Variants in UNC13B observed in about 807,000 individuals in gnomAD.
The protein encoded by UNC13B is unc-13 homolog B.
A neutral mutation model predicts 211.0 loss-of-function variants in UNC13B; 144 were observed. That is an observed-to-expected ratio of 0.68 (90% CI 0.60 to 0.78). UNC13B has a LOEUF of 0.78. Ranked by LOEUF, UNC13B falls within the 30% of genes least tolerant of loss-of-function variation. The pLI is 0.00. For missense variants in UNC13B, 1,777 were observed against 2,002.0 expected (o/e 0.89, Z 2.14); for synonymous variants, 709 against 725.8 (o/e 0.98, Z 0.37).
intron 11 of UNC13B, among the ~76,000 whole-genome samples, chr9:35,325,809 A>G (rs1346795692): frequency 2.0e-5 from 3 of 152,122 alleles, no homozygotes; most frequent in African/African-American, 7.2e-5. Flanking sequence ...TTTCATACCA[A>G]TGGATTCCTA....
At chr9:35,395,157 T>A (rs1339322831) in intron 26 of UNC13B, among the ~76,000 whole-genome samples, 1 of 152,104 alleles carries the variant, frequency 6.6e-6, no homozygotes, top group African/African-American at 2.4e-5. Flanking sequence ...TTTTTCACTC[T>A]CTTTGTTGCT....
intron 2 of UNC13B, among the ~76,000 whole-genome samples, chr9:35,228,767 G>A (rs1039512823): frequency 9.0e-5 from 13 of 143,904 alleles, no homozygotes; most frequent in Admixed American, 2.1e-4. Flanking sequence ...TGTCTGGTTC[G>A]TTCTTTTAAG....
intron 7 of UNC13B, among the ~76,000 whole-genome samples, chr9:35,274,147 G>A (rs1210348572): frequency 1.3e-5 from 2 of 152,174 alleles, no homozygotes; most frequent in Admixed American, 1.3e-4. Context: ...CCGTATGACA[G>A]TAGCCACCAT....
In UNC13B at chr9:35,291,128, A is replaced by G. The variant is rs779487313; in HGVS notation, c.527-4568A>G. On this transcript the variant is annotated intron_variant, in intron 7 of 39. Transcript: ENST00000635942. ...GAGTACGTAAGAATTGAAATTCCTT[A>G]TCATTTTCTTGATCTTACCCACAAA... 7.1e-6 allele frequency: 11 copies of G among 1,549,764 alleles called. No homozygotes were observed. The South Asian group carries it at 7.1e-5, about 10-fold the overall frequency.
intron 7 of UNC13B, among the ~76,000 whole-genome samples, chr9:35,284,031 C>T (rs779506854): frequency 6.6e-6 from 1 of 151,914 alleles, no homozygotes; most frequent in Non-Finnish European, 1.5e-5. Context: ...AGGCTGAGGC[C>T]GGGGGATCAC....
At chr9:35,190,490 A>T (rs1438516279) in intron 1 of UNC13B, among the ~76,000 whole-genome samples, 1 of 152,160 alleles carries the variant, frequency 6.6e-6, no homozygotes, top group Admixed American at 6.5e-5. Flanking sequence ...TTTGATTTTG[A>T]GAGGGAATGA....
chr9:35,401,910 C>T (rs1204919007), intron 37 of UNC13B: 1 of 1,533,110 alleles, frequency 6.5e-7, no homozygotes, highest in East Asian at 2.5e-5. Context: ...TTTCTCTGTT[C>T]TGCTGCTGCT....
chr9:35,224,057 A>G (rs1587408415), intron 1 of UNC13B, among the ~76,000 whole-genome samples: 1 of 151,988 alleles, frequency 6.6e-6, no homozygotes, highest in East Asian at 1.9e-4. Context: ...CTATAGCTTT[A>G]TGGTGTATTT....
intron 1 of UNC13B, among the ~76,000 whole-genome samples, chr9:35,192,359 A>G (rs1822703814): frequency 6.6e-6 from 1 of 152,186 alleles, no homozygotes; most frequent in African/African-American, 2.4e-5. Flanking sequence ...TGCTTATTAT[A>G]GGAGACATAT....
At chr9:35,400,222 T>C in intron 36 of UNC13B, 74 bp from the exon 37 acceptor site, 1 of 1,571,496 alleles carries the variant, frequency 6.4e-7, no homozygotes, top group South Asian at 1.2e-5. Context: ...TCTTCTTGCT[T>C]CTCTGAGGAC....
At chr9:35,370,185 G>T in intron 12 of UNC13B, 133 bp from the exon 13 acceptor site, 1 of 643,840 alleles carries the variant, frequency 1.6e-6, no homozygotes, top group Non-Finnish European at 2.6e-6. Flanking sequence ...TTTCCTTCCC[G>T]TCCTAAAAGC....
chr9:35,284,064 A>G (rs147899892), intron 7 of UNC13B, among the ~76,000 whole-genome samples: 136 of 152,288 alleles, frequency 8.9e-4, no homozygotes, highest in African/African-American at 3.1e-3. Context: ...GTTTGAGACA[A>G]GCCTGGCCAA....
At chr9:35,182,513 C>T (rs1434154007) in intron 1 of UNC13B, among the ~76,000 whole-genome samples, 2 of 149,686 alleles carry the variant, frequency 1.3e-5, no homozygotes. Context: ...TTGGGTGTTT[C>T]TCAGAGAGGG....
intron 11 of UNC13B, among the ~76,000 whole-genome samples, chr9:35,334,237 A>T (rs757094067): frequency 1.3e-5 from 2 of 152,198 alleles, no homozygotes; most frequent in Non-Finnish European, 2.9e-5. Flanking sequence ...AAGTGCTGGG[A>T]TTGCAGGCGT....
At chr9:35,170,430 T>A (rs1821272479) in intron 1 of UNC13B, among the ~76,000 whole-genome samples, 1 of 151,990 alleles carries the variant, frequency 6.6e-6, no homozygotes, top group Non-Finnish European at 1.5e-5. Flanking sequence ...CCTCCCAAAG[T>A]GTTGGGATTA....
At chr9:35,299,983 AG>A (rs1383512225) in intron 8 of UNC13B, among the ~76,000 whole-genome samples, 182 bp from the exon 9 acceptor site, 1 of 152,214 alleles carries the variant, frequency 6.6e-6, no homozygotes, top group African/African-American at 2.4e-5. Flanking sequence ...AAGAGTTTCT[AG>A]AAAATAATAA....
chr9:35,319,856 T>C (rs1022440244), intron 11 of UNC13B, among the ~76,000 whole-genome samples: 5 of 151,956 alleles, frequency 3.3e-5, no homozygotes, highest in African/African-American at 1.2e-4. Flanking sequence ...AGATAGGGTC[T>C]CATTATGTTT....
chr9:35,248,865 A>G (rs919626270), intron 6 of UNC13B, among the ~76,000 whole-genome samples: 1 of 152,190 alleles, frequency 6.6e-6, no homozygotes, highest in Non-Finnish European at 1.5e-5. Flanking sequence ...GTAGATGTCT[A>G]TTAGATCTGC....
chr9:35,370,441 A>G, intron 13 of UNC13B, 45 bp downstream of exon 13: 1 of 1,582,934 alleles, frequency 6.3e-7, no homozygotes, highest in African/African-American at 1.3e-5. Context: ...GCCTTGGGGT[A>G]TCCCCCATTG....
Sources: allele counts gnomAD v4.1 joint callset (sites outside exome capture counted in the v4.1 genomes callset), GRCh38; gene constraint gnomAD v4.1.1; transcripts MANE v1.5; gene names NCBI Gene and HGNC (gene_info 2026-07-23, HGNC 2026-07-21).